DNAH9: variants seen among roughly 807,000 people sequenced by gnomAD.
DNAH9 encodes the protein DNAH9 variant protein.
DNAH9 carries 345 observed loss-of-function variants against 471.6 expected under a neutral mutation model. That is an observed-to-expected ratio of 0.73 (90% CI 0.67 to 0.80). The LOEUF (loss-of-function observed/expected upper bound fraction) is 0.80. DNAH9 is among the 30% of genes least tolerant of loss of function. The pLI, the probability that DNAH9 is intolerant of heterozygous loss-of-function variation, is 0.00. For synonymous variants in DNAH9, 2,093 were observed against 2,123.6 expected (o/e 0.99, Z 0.40); for missense variants, 5,407 against 5,609.2 (o/e 0.96, Z 1.15).
At chr17:11,949,599 A>C (rs763247685) in intron 67 of DNAH9, among the ~76,000 whole-genome samples, 11 of 151,936 alleles carry the variant, frequency 7.2e-5, no homozygotes, top group Non-Finnish European at 1.3e-4. Flanking sequence ...CTCCTGCCTC[A>C]ACCTCCTGAG....
At chr17:11,908,557 G>C (rs1973684232) in intron 61 of DNAH9, among the ~76,000 whole-genome samples, 1 of 152,184 alleles carries the variant, frequency 6.6e-6, no homozygotes, top group Non-Finnish European at 1.5e-5. Flanking sequence ...GGTAGTCAGA[G>C]CTGTAGGCAC....
intron 48 of DNAH9, among the ~76,000 whole-genome samples, chr17:11,829,678 G>A (rs981885198): frequency 2.6e-5 from 4 of 152,092 alleles, no homozygotes; most frequent in African/African-American, 7.2e-5. Flanking sequence ...TCGCCATGCC[G>A]GCCAGGCTGG....
chr17:11,772,100 C>G (rs1467078368), intron 38 of DNAH9, among the ~76,000 whole-genome samples: 3 of 152,102 alleles, frequency 2.0e-5, no homozygotes, highest in Non-Finnish European at 4.4e-5. Context: ...ACTTTGAAAG[C>G]TGCAATAAAT....
intron 22 of DNAH9, among the ~76,000 whole-genome samples, chr17:11,697,761 C>A (rs2150766626): frequency 6.6e-6 from 1 of 152,084 alleles, no homozygotes; most frequent in South Asian, 2.1e-4. Context: ...CAGTAAGTTT[C>A]TCAAGCTCTT....
intron 48 of DNAH9, among the ~76,000 whole-genome samples, chr17:11,825,555 G>A (rs1970459271): frequency 6.6e-6 from 1 of 152,202 alleles, no homozygotes; most frequent in Non-Finnish European, 1.5e-5. Flanking sequence ...TGTTACTGTT[G>A]TAGGTGATCT....
chr17:11,618,981 A>C (rs2150654633), intron 5 of DNAH9, among the ~76,000 whole-genome samples: 1 of 152,174 alleles, frequency 6.6e-6, no homozygotes, highest in South Asian at 2.1e-4. Context: ...GAAAACCGAA[A>C]CCAAAAGTAG....
rs748333817 is a variant in DNAH9 at position 11,834,753 on chromosome 17, A to T, written c.9362A>T (p.Glu3121Val). 6.2e-7 allele frequency: 1 copy of T among 1,614,154 alleles called. No individual in the cohort carries two copies. The highest frequency in any genetic ancestry group is 1.7e-5 in the Admixed American group (1 of 59,990). ...GTGGAGACTGACAAAGTGAGCAGAG[A>T]GAAAGCCATGGCAGATGAAGAGGAG... ...VGVETDKVSR[E>V]KAMADEEEQK... Residue 3121 changes from glutamate (E) to valine (V), a missense_variant, in exon 49 of 69, where the codon GAG (glutamate) becomes GTG (valine). Around this residue, in one of 3 missense-constraint regions of DNAH9, gnomAD observed 4,636 missense variants for 4,900.3 expected, o/e 0.95. Coordinates refer to ENST00000262442, the MANE Select transcript of DNAH9 (RefSeq NM_001372.4).
chr17:11,731,703 T>C (rs1257422444), intron 28 of DNAH9, among the ~76,000 whole-genome samples: 1 of 152,094 alleles, frequency 6.6e-6, no homozygotes, highest in Non-Finnish European at 1.5e-5. Context: ...TCCAGCTTCA[T>C]CCATGTCCCT....
rs756582024 is a variant in DNAH9, at chr17:11,598,812, G to A, written c.314G>A (p.Arg105His). Residue 105 changes from arginine to histidine, a missense_variant, in exon 1 of 69, where the codon CGC (arginine) becomes CAC (histidine). Coordinates refer to ENST00000262442, the MANE Select transcript of DNAH9 (RefSeq NM_001372.4). ...LAGAKALFFL[R>H]TGPEPPGPDS... ...GGCGCTAAGGCGCTTTTTTTCCTTC[G>A]CACCGGGCCCGAGCCTCCAGGGCCC... 94 of 1,480,206 alleles carry A rather than the reference G, an allele frequency of 6.4e-5. 1 individual carries two copies. In the African/African-American group the frequency reaches 1.1e-3, roughly 18 times the overall value. The allele number at this position is 1,480,206 out of a possible 1,614,324, so 91.7% of individuals were successfully genotyped here. A position where few individuals can be genotyped will look rare whatever the true frequency, so the allele number is the denominator to read the frequency against.
chr17:11,780,665 A>G (rs993932869), intron 38 of DNAH9, among the ~76,000 whole-genome samples: 2 of 152,236 alleles, frequency 1.3e-5, no homozygotes, highest in Non-Finnish European at 2.9e-5. Flanking sequence ...AAAGTTGCTG[A>G]GTTCTTTTGA....
At chr17:11,697,327 A>G (rs2074494188) in intron 22 of DNAH9, among the ~76,000 whole-genome samples, 1 of 152,180 alleles carries the variant, frequency 6.6e-6, no homozygotes, top group African/African-American at 2.4e-5. Flanking sequence ...TTCATGAGTC[A>G]CAGTGATCAC....
At chr17:11,672,443 T>C (rs761211665) in intron 17 of DNAH9, among the ~76,000 whole-genome samples, 13 of 152,176 alleles carry the variant, frequency 8.5e-5, no homozygotes, top group African/African-American at 9.7e-5. Flanking sequence ...CTCTTACCAA[T>C]AGGCCTGCAG....
At chr17:11,686,496 G>A (rs1004785871) in intron 19 of DNAH9, among the ~76,000 whole-genome samples, 1 of 152,064 alleles carries the variant, frequency 6.6e-6, no homozygotes, top group Admixed American at 6.6e-5. Context: ...TAGGCACGTG[G>A]ACGAGGTCTA....
chr17:11,611,761 G>A lies in DNAH9; in HGVS notation c.885G>A (p.Met295Ile), dbSNP rs2072642569. ...GCTACTTTCCAGCTTTCAAAGCCAT[G>A]TACAGAGATGTTGTTGCAGGTGAGG... ...QSSYFPAFKAMYRDVVAALAE... is the reference protein window; with the variant it reads ...QSSYFPAFKAIYRDVVAALAE... Residue 295 changes from methionine (M) to isoleucine (I), a missense_variant, in exon 4 of 69, where the codon ATG becomes ATA. Met to Ile is a conservative substitution (Grantham distance 10). Coordinates refer to ENST00000262442, the MANE Select transcript of DNAH9 (RefSeq NM_001372.4). The A allele has an allele frequency of 6.2e-7, 1 of 1,614,196 alleles. No homozygotes were observed. The highest frequency in any genetic ancestry group is 8.5e-7 in the Non-Finnish European group (1 of 1,180,002).
At chr17:11,759,770 T>C (rs1967587076) in intron 35 of DNAH9, among the ~76,000 whole-genome samples, 1 of 151,050 alleles carries the variant, frequency 6.6e-6, no homozygotes, top group South Asian at 2.1e-4. Flanking sequence ...CACTGCAACC[T>C]CTGCCTCCTG....
intron 50 of DNAH9, among the ~76,000 whole-genome samples, chr17:11,857,188 C>T (rs925523116): frequency 6.6e-6 from 1 of 152,184 alleles, no homozygotes; most frequent in African/African-American, 2.4e-5. Context: ...AATGTTTATA[C>T]CTTTTCAGTA....
intron 45 of DNAH9, among the ~76,000 whole-genome samples, chr17:11,818,995 C>G (rs59271552): frequency 0.049 from 7,490 of 151,902 alleles, 629 homozygotes; most frequent in African/African-American, 0.17. Context: ...CCCGCCCCTA[C>G]TTCCTAATTC....
chr17:11,928,262 C>T (rs559047048), intron 62 of DNAH9, among the ~76,000 whole-genome samples: 2 of 152,244 alleles, frequency 1.3e-5, no homozygotes, highest in South Asian at 4.1e-4. Context: ...TGAGCCACTG[C>T]ACCCAGTCCT....
intron 35 of DNAH9, among the ~76,000 whole-genome samples, chr17:11,761,541 C>T (rs530723812): frequency 6.6e-6 from 1 of 152,346 alleles, no homozygotes; most frequent in East Asian, 1.9e-4. Flanking sequence ...ATCTGCCTCA[C>T]CTTATCCCTT....
Sources: gnomAD v4.1 joint callset for allele counts (sites outside exome capture counted in the v4.1 genomes callset) on GRCh38, gnomAD v4.1.1 for gene constraint, gnomAD v4.1.1 regional missense constraint, MANE v1.5 for transcripts, NCBI Gene and HGNC (gene_info 2026-07-23, HGNC 2026-07-21) for gene names.